KCNQ1: variants seen among roughly 807,000 people sequenced by gnomAD.
KCNQ1 encodes the protein potassium voltage-gated channel subfamily KQT member 1.
In KCNQ1, 49 loss-of-function variants were observed where a neutral mutation model predicts 72.4. That is an observed-to-expected ratio of 0.68 (90% confidence interval 0.54 to 0.86). The LOEUF (loss-of-function observed/expected upper bound fraction) is 0.86. Among genes scored for constraint, KCNQ1 ranks in the 40% least tolerant of loss-of-function variants. The probability of loss-of-function intolerance (pLI) is 0.00; values close to 1 mark genes in which losing one functional copy is unlikely to be tolerated. For missense variants in KCNQ1, 790 were observed against 945.1 expected (o/e 0.84, Z 2.15); for synonymous variants, 450 against 412.6 (o/e 1.09, Z -1.10).
Position 2,564,585 on chromosome 11 carries a change from ACT to A in KCNQ1, c.478-6040_478-6039del, listed in dbSNP as rs962456854. 7.9e-5 allele frequency among the ~76,000 whole-genome samples: 12 copies of A among 152,098 alleles called. No individual in the cohort carries two copies. The stretch of plus-strand genomic sequence containing the variant: ...ACTCCTGCCTGGGCAACAGAGCAAG[ACT>A]CTATCTCAAAATAAAATAAAATGGA... On this transcript the variant is annotated intron_variant, in intron 2 of 15. Coordinates refer to ENST00000155840, the MANE Select transcript of KCNQ1 (RefSeq NM_000218.3). This position sits in a 1 kb window ranked among gnomAD's most constrained non-coding sequence, Gnocchi z 4.5.
rs116539037 is a variant in KCNQ1 at position 2,526,092 on chromosome 11, C to T, written c.387-1836C>T. Among the ~76,000 whole-genome samples the T allele has an allele frequency of 2.5e-3, 377 of 152,312 alleles. 1 individual carries two copies. The highest frequency in any genetic ancestry group is 8.6e-3 in the African/African-American group (358 of 41,578). The stretch of plus-strand genomic sequence containing the variant: ...CTTTTAGGCTGGGCAGCAGCAGGTG[C>T]ACGGGCCCTGAGGTGGGCCGGGCTG... On this transcript the variant is annotated intron_variant, in intron 1 of 15. Coordinates refer to ENST00000155840, the MANE Select transcript of KCNQ1 (RefSeq NM_000218.3). This position sits in a 1 kb window ranked among gnomAD's most constrained non-coding sequence, Gnocchi z 6.1.
chr11:2,596,741 CTT>C (rs1848738340), intron 10 of KCNQ1, among the ~76,000 whole-genome samples: 1 of 152,066 alleles, frequency 6.6e-6, no homozygotes, highest in East Asian at 1.9e-4. Flanking sequence ...CACAAAAAAA[CTT>C]TTGGGGCAGT....
chr11:2,585,170 G>A (rs1376880010), intron 7 of KCNQ1, 42 bp from the exon 8 acceptor site: 1 of 1,553,976 alleles, frequency 6.4e-7, no homozygotes, highest in South Asian at 1.1e-5. Flanking sequence ...CCAGCTGGCA[G>A]TGGCCTGTGT....
chr11:2,585,289 G>A lies in KCNQ1; in HGVS notation c.1110G>A (p.Ala370=), dbSNP rs1805118. 4.1e-4 allele frequency: 655 copies of A among 1,613,952 alleles called. 6 individuals carry two copies. The East Asian group carries it at 0.012, about 29-fold the overall frequency. The change falls in exon 8 of 16, where the codon GCG becomes GCA. Residue 370 remains alanine (A), a synonymous_variant. Coordinates refer to ENST00000155840, the MANE Select transcript of KCNQ1 (RefSeq NM_000218.3). The part of the protein sequence containing the change: ...RQKHFNRQIP[A]AASLIQTAWR... ...AGCACTTCAACCGGCAGATCCCGGC[G>A]GCAGCCTCACTCATTCAGGTGCGGT... is the stretch of plus-strand genomic sequence containing the variant.
intron 11 of KCNQ1, chr11:2,693,572 G>A (rs1382510786): frequency 2.5e-6 from 1 of 398,506 alleles, no homozygotes; most frequent in Non-Finnish European, 4.4e-6. Flanking sequence ...GGAGGAGCAG[G>A]GATTCTTCCA....
At chr11:2,469,582 T>C (rs995407100) in intron 1 of KCNQ1, among the ~76,000 whole-genome samples, 1 of 151,126 alleles carries the variant, frequency 6.6e-6, no homozygotes, top group Non-Finnish European at 1.5e-5. Flanking sequence ...AGATGTTACA[T>C]GTTTCTATAT....
chr11:2,458,333 T>C lies in KCNQ1; in HGVS notation c.386+12849T>C, dbSNP rs1325400090. Reference sequence around the variant, plus strand: ...TTCTCTAAAGATCTGTGGAGGTCAATAGGGAGACCGCTCATGATGTTGAAT... The same window carrying C: ...TTCTCTAAAGATCTGTGGAGGTCAACAGGGAGACCGCTCATGATGTTGAAT... On this transcript the variant is annotated intron_variant, in intron 1 of 15. Transcript: ENST00000155840. This position sits in a 1 kb window ranked among gnomAD's most constrained non-coding sequence, Gnocchi z 4.6. Among the ~76,000 whole-genome samples the C allele has an allele frequency of 2.0e-5, 3 of 152,210 alleles. No homozygotes were observed. The highest frequency in any genetic ancestry group is 2.1e-4 in the South Asian group (1 of 4,830).
intron 1 of KCNQ1, among the ~76,000 whole-genome samples, chr11:2,496,495 C>CTTTTTTTTTTTTTTTTTTTTTTTTTTT: frequency 0.011 from 321 of 29,842 alleles, 103 homozygotes; most frequent in Non-Finnish European, 0.015. Flanking sequence ...ACAACCCCTG[C>CTTTTTTTTTTTTTTTTTTTTTTTTTTT]TTTTTTTTTT....
Position 2,468,038 on chromosome 11 carries a change from C to T in KCNQ1, c.386+22554C>T, listed in dbSNP as rs1318721545. 1.3e-5 allele frequency among the ~76,000 whole-genome samples: 2 copies of T among 152,264 alleles called. No individual in the cohort carries two copies. The highest frequency in any genetic ancestry group is 2.9e-5 in the Non-Finnish European group (2 of 68,040). Reference sequence around the variant, plus strand: ...TACCCCATCTGTAAAATAGGGATAACAGCAGCTTCTTAAAGGGCTGTTAGC... The same window carrying T: ...TACCCCATCTGTAAAATAGGGATAATAGCAGCTTCTTAAAGGGCTGTTAGC... On this transcript the variant is annotated intron_variant, in intron 1 of 15. Transcript: ENST00000155840. The surrounding 1 kb of genome is among the most constrained non-coding windows in gnomAD (Gnocchi z 5.7).
Position 2,608,816 on chromosome 11 carries a change from T to A in KCNQ1, c.1393+19962T>A, listed in dbSNP as rs1043683537. The A allele has an allele frequency of 2.5e-6, 1 of 398,404 alleles. No homozygotes were observed. Among genetic ancestry groups the A allele is most frequent in the African/African-American group, 2.1e-5 (1 of 48,584 alleles). The allele number at this position is 398,404 out of a possible 1,614,324, so 24.7% of individuals were successfully genotyped here. On this transcript the variant is annotated intron_variant, in intron 10 of 15. Transcript: ENST00000155840. The surrounding 1 kb of genome is among the most constrained non-coding windows in gnomAD (Gnocchi z 4.6). The stretch of plus-strand genomic sequence containing the variant: ...GTTTTTTTGCTTTAATTTGTAAAAC[T>A]GTCATTCATTTCTGATTTTAGTAAT...
chr11:2,532,305 A>G (rs1847653221), intron 2 of KCNQ1, among the ~76,000 whole-genome samples: 1 of 152,226 alleles, frequency 6.6e-6, no homozygotes, highest in Non-Finnish European at 1.5e-5. Context: ...CATCAAATGC[A>G]TAGGCCAGAG....
Position 2,848,080 on chromosome 11 carries a change from A to G in KCNQ1, c.*77A>G. 1 of 1,227,202 alleles carries G rather than the reference A, an allele frequency of 8.1e-7. No individual in the cohort carries two copies. Among genetic ancestry groups the G allele is most frequent in the Non-Finnish European group, 1.2e-6 (1 of 864,042 alleles). 76.0% of individuals were successfully genotyped at this position (1,227,202 alleles called of 1,614,324 possible). On this transcript the variant is annotated 3_prime_UTR_variant, in exon 16 of 16. Transcript: ENST00000155840. ...GGCCCCACCTGGCCCTCTCTGAAGG[A>G]GGCCACCTCCTAAAAGGCCCAGAGA...
rs1341985809 is a variant in KCNQ1, at chr11:2,484,273, C to T, written c.386+38789C>T. On this transcript the variant is annotated intron_variant, in intron 1 of 15. Coordinates refer to ENST00000155840, the MANE Select transcript of KCNQ1 (RefSeq NM_000218.3). The surrounding 1 kb of genome is among the most constrained non-coding windows in gnomAD (Gnocchi z 5.2). ...CTGCCTCCGGGGTTCAAGTGATTCT[C>T]CTGCCTCAGCCTCCTGAGTAGCTGG... is the stretch of plus-strand genomic sequence containing the variant. Among the ~76,000 whole-genome samples the T allele has an allele frequency of 6.6e-6, 1 of 152,148 alleles. No individual in the cohort carries two copies. Among genetic ancestry groups the T allele is most frequent in the Non-Finnish European group, 1.5e-5 (1 of 68,036 alleles).
intron 1 of KCNQ1, chr11:2,521,663 T>C (rs2133636877): frequency 2.5e-6 from 1 of 403,462 alleles, no homozygotes; most frequent in South Asian, 1.8e-5. Flanking sequence ...GGTGGCTCTC[T>C]TTAAGGTTCC....
Position 2,698,525 on chromosome 11 carries a change from C to T in KCNQ1, c.1514+36444C>T. ...TCTCACCTGGCAGGTGATCACCACC[C>T]CCAACTCAGACTGCAACCTTTACTT... On this transcript the variant is annotated intron_variant, in intron 11 of 15. Coordinates refer to ENST00000155840, the MANE Select transcript of KCNQ1 (RefSeq NM_000218.3). The surrounding 1 kb of genome is among the most constrained non-coding windows in gnomAD (Gnocchi z 5.1). The T allele has an allele frequency of 2.5e-6, 1 of 398,546 alleles. No individual in the cohort carries two copies. Among genetic ancestry groups the T allele is most frequent in the Admixed American group, 4.4e-5 (1 of 22,728 alleles). 24.7% of individuals were successfully genotyped at this position (398,546 alleles called of 1,614,324 possible).
intron 7 of KCNQ1, among the ~76,000 whole-genome samples, chr11:2,584,734 A>C (rs764967285): frequency 8.6e-5 from 13 of 151,196 alleles, no homozygotes; most frequent in Non-Finnish European, 1.8e-4. Flanking sequence ...GTGTGTGTGC[A>C]TCACACATGC....
Position 2,524,328 on chromosome 11 carries a change from C to G in KCNQ1, c.387-3600C>G, listed in dbSNP as rs115753193. Among the ~76,000 whole-genome samples, 643 of 152,302 alleles carry G rather than the reference C, an allele frequency of 4.2e-3. 5 individuals are homozygous for G. Among genetic ancestry groups the G allele is most frequent in the African/African-American group, 0.015 (618 of 41,562 alleles). On this transcript the variant is annotated intron_variant, in intron 1 of 15. Transcript: ENST00000155840. ...CCAGCCTCCAGGGACCCCAGCCATGCCGGGTCAGGGAACCAGGCTGCAGTC... is the reference window on the plus strand; with the variant it reads ...CCAGCCTCCAGGGACCCCAGCCATGGCGGGTCAGGGAACCAGGCTGCAGTC...
At chr11:2,761,635 G>A (rs964018138) in intron 11 of KCNQ1, among the ~76,000 whole-genome samples, 4 of 152,124 alleles carry the variant, frequency 2.6e-5, no homozygotes, top group East Asian at 3.9e-4. Flanking sequence ...CCCAGGCCTC[G>A]CCCAAGACAG....
Position 2,647,066 on chromosome 11 carries a change from T to C in KCNQ1, c.1394-14895T>C, listed in dbSNP as rs920991413. Reference sequence around the variant, plus strand: ...AGTGGGCATCCTTGTCTTGTTCTAGTTCTAAGAGAGAAGGTGTTTAGCTTT... The same window carrying C: ...AGTGGGCATCCTTGTCTTGTTCTAGCTCTAAGAGAGAAGGTGTTTAGCTTT... On this transcript the variant is annotated intron_variant, in intron 10 of 15. Coordinates refer to ENST00000155840, the MANE Select transcript of KCNQ1 (RefSeq NM_000218.3). The surrounding 1 kb of genome is among the most constrained non-coding windows in gnomAD (Gnocchi z 4.0). 2 of 398,602 alleles carry C rather than the reference T, an allele frequency of 5.0e-6. No homozygotes were observed. Among genetic ancestry groups the C allele is most frequent in the South Asian group, 1.3e-4 (1 of 7,860 alleles). The allele number at this position is 398,602 out of a possible 1,614,324, so 24.7% of individuals were successfully genotyped here.
Sources: gnomAD v4.1 joint callset for allele counts (sites outside exome capture counted in the v4.1 genomes callset) on GRCh38, gnomAD v4.1.1 for gene constraint, Gnocchi (gnomAD v3.1) non-coding constraint, MANE v1.5 for transcripts, NCBI Gene and HGNC (gene_info 2026-07-23, HGNC 2026-07-21) for gene names.